Variants in SPATA17 observed in about 807,000 individuals in gnomAD.
SPATA17 encodes spermatogenesis associated 17, also known as spermatogenesis-associated protein 17.
A neutral mutation model predicts 62.2 loss-of-function variants in SPATA17; 53 were observed. That is an observed-to-expected ratio of 0.85 (90% CI 0.68 to 1.07). SPATA17 has a LOEUF of 1.07. SPATA17 is among the 50% of genes least tolerant of loss of function. The probability of loss-of-function intolerance (pLI) is 0.00; values close to 1 mark genes in which losing one functional copy is unlikely to be tolerated. For missense variants in SPATA17, 466 were observed against 425.5 expected (o/e 1.10, Z -0.84); for synonymous variants, 146 against 146.8 (o/e 0.99, Z 0.04).
chr1:217,640,986 A>T (rs1215304849), intron 1 of SPATA17, among the ~76,000 whole-genome samples: 1 of 152,104 alleles, frequency 6.6e-6, no homozygotes, highest in Non-Finnish European at 1.5e-5. Context: ...GTATTATTTA[A>T]CATTTTATAT....
At chr1:217,795,606 G>T (rs1036091844) in intron 8 of SPATA17, among the ~76,000 whole-genome samples, 1 of 151,842 alleles carries the variant, frequency 6.6e-6, no homozygotes, top group African/African-American at 2.4e-5. Flanking sequence ...CTGACCTTAG[G>T]TGATCCACCC....
At position 217,870,537 on chromosome 1, in the gene SPATA17, A is replaced by G. The variant is rs978523299; in HGVS notation, c.*3518A>G. On this transcript the variant is annotated 3_prime_UTR_variant, in exon 11 of 11. Coordinates refer to ENST00000366933, the MANE Select transcript of SPATA17 (RefSeq NM_138796.4). The stretch of plus-strand genomic sequence containing the variant: ...TTCTCCTGGAAAACTACTAGACTAC[A>G]TCAACTTATATACTACTTCTTTTCT... The G allele has an allele frequency of 1.3e-5, 2 of 152,192 alleles. No homozygotes were observed. The highest frequency in any genetic ancestry group is 2.9e-5 in the Non-Finnish European group (2 of 68,038). The allele number at this position is 152,192 out of a possible 1,614,324, so 9.4% of individuals were successfully genotyped here.
intron 9 of SPATA17, among the ~76,000 whole-genome samples, chr1:217,820,246 AG>A (rs372841222): frequency 5.1e-4 from 78 of 152,206 alleles, no homozygotes; most frequent in African/African-American, 1.7e-3. Flanking sequence ...GAGAGTTAAA[AG>A]GTTTTAAGCA....
At chr1:217,865,055 T>C (rs903890255) in intron 10 of SPATA17, among the ~76,000 whole-genome samples, 4 of 152,184 alleles carry the variant, frequency 2.6e-5, no homozygotes, top group African/African-American at 9.6e-5. Context: ...GAAATGAATG[T>C]CTAGTGTTTA....
chr1:217,850,552 C>T, intron 9 of SPATA17: 5 of 1,593,292 alleles, frequency 3.1e-6, no homozygotes, highest in Non-Finnish European at 3.4e-6. Flanking sequence ...TGGATATTGG[C>T]CTTCACATTT....
chr1:217,810,389 C>T (rs958861906), intron 9 of SPATA17, among the ~76,000 whole-genome samples: 2 of 152,058 alleles, frequency 1.3e-5, no homozygotes, highest in African/African-American at 4.8e-5. Context: ...ACTACCTGGC[C>T]AAGGCAGGCG....
rs145042354 is a variant in SPATA17, at chr1:217,816,448, C to A, written c.1005+14598C>A. On this transcript the variant is annotated intron_variant, in intron 9 of 10. Transcript: ENST00000366933. ...AGGTTTACTAGGTAGATAATTATAT[C>A]ATCTGCACATATTTATATATTCAAC... Among the ~76,000 whole-genome samples the A allele has an allele frequency of 2.2e-3, 334 of 151,666 alleles. 2 individuals carry two copies. The highest frequency in any genetic ancestry group is 6.6e-3 in the African/African-American group (276 of 41,510).
At chr1:217,646,287 T>A (rs1182186602) in intron 1 of SPATA17, among the ~76,000 whole-genome samples, 2 of 152,176 alleles carry the variant, frequency 1.3e-5, no homozygotes, top group Non-Finnish European at 2.9e-5. Flanking sequence ...TAAATAAAAT[T>A]ATTCTGTATC....
At chr1:217,809,955 A>G (rs1452845639) in intron 9 of SPATA17, among the ~76,000 whole-genome samples, 4 of 152,236 alleles carry the variant, frequency 2.6e-5, no homozygotes, top group African/African-American at 7.2e-5. Flanking sequence ...TCTCTTTGAC[A>G]TAAACATTTG....
chr1:217,705,430 CTTTTTTTTTTTTT>C (rs58138326), intron 5 of SPATA17, among the ~76,000 whole-genome samples: 17 of 46,606 alleles, frequency 3.6e-4, no homozygotes, highest in African/African-American at 1.4e-3. Context: ...TTCTAGTTGT[CTTTTTTTTTTTTT>C]TTTTTTTTTT....
intron 9 of SPATA17, among the ~76,000 whole-genome samples, chr1:217,818,622 A>C (rs1279323975): frequency 6.6e-6 from 1 of 152,000 alleles, no homozygotes; most frequent in Admixed American, 6.6e-5. Context: ...GAACATCATC[A>C]TATATGTGTT....
chr1:217,841,708 G>A (rs962203501), intron 9 of SPATA17, among the ~76,000 whole-genome samples: 15 of 151,726 alleles, frequency 9.9e-5, no homozygotes, highest in African/African-American at 3.6e-4. Context: ...AGGATCCTTT[G>A]GGTCCAGGAG....
At position 217,755,881 on chromosome 1, in the gene SPATA17, A is replaced by C. The variant is rs531984800; in HGVS notation, c.519+13783A>C. On this transcript the variant is annotated intron_variant, in intron 6 of 10. Coordinates refer to ENST00000366933, the MANE Select transcript of SPATA17 (RefSeq NM_138796.4). ...ATTTTTTTGTTTATATATCTATACC[A>C]AAATCAACCTCGTTTGCTATTATTT... is the stretch of plus-strand genomic sequence containing the variant. Among the ~76,000 whole-genome samples, 104 of 152,208 alleles carry C rather than the reference A, an allele frequency of 6.8e-4. 1 individual carries two copies. The highest frequency in any genetic ancestry group is 1.1e-3 in the Non-Finnish European group (77 of 67,956).
chr1:217,846,097 A>G (rs1053508544), intron 9 of SPATA17, among the ~76,000 whole-genome samples: 4 of 152,216 alleles, frequency 2.6e-5, no homozygotes, highest in South Asian at 2.1e-4. Context: ...GATAGGCCCT[A>G]CCCATATAGT....
At chr1:217,743,917 T>G (rs1672684188) in intron 6 of SPATA17, among the ~76,000 whole-genome samples, 1 of 152,106 alleles carries the variant, frequency 6.6e-6, no homozygotes, top group Non-Finnish European at 1.5e-5. Context: ...CCTAAAATAG[T>G]GAAATCATAT....
chr1:217,661,942 A>AC (rs1249193526), intron 3 of SPATA17, among the ~76,000 whole-genome samples: 4 of 151,954 alleles, frequency 2.6e-5, no homozygotes, highest in Non-Finnish European at 5.9e-5. Flanking sequence ...GCTTTTCCTT[A>AC]CCCCTTCCTT....
chr1:217,706,214 G>A (rs972749062), intron 5 of SPATA17, among the ~76,000 whole-genome samples: 2 of 152,110 alleles, frequency 1.3e-5, no homozygotes, highest in South Asian at 2.1e-4. Context: ...CATAGGAATT[G>A]TAGTAGTTTT....
intron 5 of SPATA17, among the ~76,000 whole-genome samples, chr1:217,699,014 G>T (rs1004202760): frequency 6.6e-6 from 1 of 152,064 alleles, no homozygotes; most frequent in Non-Finnish European, 1.5e-5. Context: ...ACCCAGCATT[G>T]TTCCCTAAAA....
chr1:217,785,441 G>A (rs1338357528), intron 8 of SPATA17, among the ~76,000 whole-genome samples: 3 of 152,102 alleles, frequency 2.0e-5, no homozygotes, highest in South Asian at 2.1e-4. Flanking sequence ...TCTTCACATC[G>A]TGGCAGGAGA....
Sources: gnomAD v4.1 joint callset for allele counts (sites outside exome capture counted in the v4.1 genomes callset) on GRCh38, gnomAD v4.1.1 for gene constraint, MANE v1.5 for transcripts, NCBI Gene and HGNC (gene_info 2026-07-23, HGNC 2026-07-21) for gene names.